Variants in SORCS3 observed in about 807,000 individuals in gnomAD.
The protein encoded by SORCS3 is sortilin related VPS10 domain containing receptor 3.
SORCS3 carries 57 observed loss-of-function variants against 146.3 expected under a neutral mutation model. That is an observed-to-expected ratio of 0.39 (90% confidence interval 0.31 to 0.49). The LOEUF is 0.49. Ranked by LOEUF, SORCS3 falls within the 20% of genes least tolerant of loss-of-function variation. SORCS3 has a pLI of 0.92. For missense variants in SORCS3, 1,341 were observed against 1,575.5 expected, an observed-to-expected ratio of 0.85 and a Z score of 2.52; for synonymous variants, 653 against 618.5, an observed-to-expected ratio of 1.06 and a Z score of -0.83.
At chr10:105,039,656 C>G (rs1330739271) in intron 4 of SORCS3, among the ~76,000 whole-genome samples, 1 of 151,992 alleles carries the variant, frequency 6.6e-6, no homozygotes, top group East Asian at 1.9e-4. Flanking sequence ...GGGGTTTCAC[C>G]ACGTTGGCCA....
At chr10:105,172,088 T>C (rs546660408) in intron 13 of SORCS3, among the ~76,000 whole-genome samples, 1 of 152,308 alleles carries the variant, frequency 6.6e-6, no homozygotes, top group South Asian at 2.1e-4. Context: ...ACTTGTAATC[T>C]CTGTGCATTG....
intron 1 of SORCS3, among the ~76,000 whole-genome samples, chr10:104,780,474 G>C (rs1162514744): frequency 6.6e-6 from 1 of 152,142 alleles, no homozygotes; most frequent in African/African-American, 2.4e-5. Flanking sequence ...GGTGACATAT[G>C]AGCCCACCTG....
intron 6 of SORCS3, among the ~76,000 whole-genome samples, chr10:105,096,284 A>G (rs2055746468): frequency 6.6e-6 from 1 of 152,126 alleles, no homozygotes; most frequent in African/African-American, 2.4e-5. Flanking sequence ...GAACCAACGC[A>G]CTAGATCTGA....
At chr10:105,138,599 C>A (rs771349145) in intron 7 of SORCS3, among the ~76,000 whole-genome samples, 9 of 152,206 alleles carry the variant, frequency 5.9e-5, no homozygotes, top group East Asian at 1.9e-4. Context: ...GATAATTGGG[C>A]AGAGAGCAGC....
chr10:104,661,063 C>T (rs910127114), intron 1 of SORCS3, among the ~76,000 whole-genome samples: 1 of 152,182 alleles, frequency 6.6e-6, no homozygotes, highest in Non-Finnish European at 1.5e-5. Context: ...TTTACTGCTA[C>T]AACTCAGTGC....
intron 1 of SORCS3, among the ~76,000 whole-genome samples, chr10:104,836,753 GTC>G (rs2018073129): frequency 2.0e-5 from 3 of 151,968 alleles, no homozygotes; most frequent in African/African-American, 7.3e-5. Context: ...GCCTTGCCGT[GTC>G]TCTGAGTGGA....
intron 5 of SORCS3, among the ~76,000 whole-genome samples, chr10:105,048,296 A>C (rs1261357769): frequency 1.4e-5 from 2 of 146,650 alleles, no homozygotes; most frequent in African/African-American, 2.5e-5. Context: ...AATGTCCAAC[A>C]GGGATAGACT....
At chr10:104,723,096 G>A (rs1241726477) in intron 1 of SORCS3, among the ~76,000 whole-genome samples, 1 of 152,136 alleles carries the variant, frequency 6.6e-6, no homozygotes, top group Non-Finnish European at 1.5e-5. Flanking sequence ...GATCTTTCCT[G>A]CTTTCTCTTG....
intron 20 of SORCS3, among the ~76,000 whole-genome samples, chr10:105,229,402 T>C (rs1229500922): frequency 6.6e-6 from 1 of 152,146 alleles, no homozygotes; most frequent in East Asian, 1.9e-4. Flanking sequence ...TCCTTCAGAG[T>C]TGTCACTTTT....
intron 2 of SORCS3, among the ~76,000 whole-genome samples, chr10:104,864,594 C>T (rs1416000729): frequency 6.6e-6 from 1 of 152,160 alleles, no homozygotes; most frequent in Non-Finnish European, 1.5e-5. Context: ...TGGGCAATAT[C>T]AGCCAGTGGA....
At chr10:105,090,342 G>A (rs762306350) in intron 6 of SORCS3, among the ~76,000 whole-genome samples, 59 of 152,178 alleles carry the variant, frequency 3.9e-4, no homozygotes, top group Non-Finnish European at 7.9e-4. Context: ...TGATGAGCAA[G>A]TTCTATACTA....
At chr10:104,805,639 AAC>A in intron 1 of SORCS3, among the ~76,000 whole-genome samples, 1 of 152,232 alleles carries the variant, frequency 6.6e-6, no homozygotes, top group Middle Eastern at 3.4e-3. Context: ...TACCAGTTGT[AAC>A]TACTCTTCTT....
chr10:105,060,665 G>A (rs1473148463), intron 5 of SORCS3, among the ~76,000 whole-genome samples: 3 of 152,120 alleles, frequency 2.0e-5, no homozygotes, highest in Admixed American at 6.5e-5. Flanking sequence ...AAGTCTGGGC[G>A]CGGTGGCTCA....
chr10:104,907,505 C>G (rs1304513648), intron 2 of SORCS3, among the ~76,000 whole-genome samples: 1 of 152,196 alleles, frequency 6.6e-6, no homozygotes, highest in Admixed American at 6.5e-5. Flanking sequence ...CTCTGTCCTA[C>G]CTGAGACGTG....
chr10:104,968,845 A>G (rs778454089), intron 3 of SORCS3, among the ~76,000 whole-genome samples: 4 of 152,246 alleles, frequency 2.6e-5, no homozygotes, highest in Non-Finnish European at 5.9e-5. Context: ...CCACAGATAT[A>G]TTTAATTTGG....
chr10:105,181,942 G>C (rs931649591), intron 14 of SORCS3, among the ~76,000 whole-genome samples: 2 of 152,172 alleles, frequency 1.3e-5, no homozygotes, highest in Non-Finnish European at 2.9e-5. Context: ...TGTGGAATCA[G>C]ATAGAAAAAC....
At chr10:104,955,049 A>G (rs922183068) in intron 3 of SORCS3, among the ~76,000 whole-genome samples, 2 of 152,204 alleles carry the variant, frequency 1.3e-5, no homozygotes, top group African/African-American at 4.8e-5. Flanking sequence ...AAAATTAACT[A>G]TTTTTAAAGT....
chr10:105,169,097 T>A (rs2056338680), intron 13 of SORCS3, among the ~76,000 whole-genome samples: 1 of 152,114 alleles, frequency 6.6e-6, no homozygotes, highest in South Asian at 2.1e-4. Context: ...GCCCAACCTA[T>A]GTATGTAGGT....
At chr10:104,646,984 TTGAC>T (rs2015503268) in intron 1 of SORCS3, among the ~76,000 whole-genome samples, 1 of 152,158 alleles carries the variant, frequency 6.6e-6, no homozygotes, top group Middle Eastern at 3.2e-3. Flanking sequence ...TTGATAATGT[TTGAC>T]TGAGTGAATG....
Sources: allele counts gnomAD v4.1 joint callset (sites outside exome capture counted in the v4.1 genomes callset), GRCh38; gene constraint gnomAD v4.1.1; transcripts MANE v1.5; gene names NCBI Gene and HGNC (gene_info 2026-07-23, HGNC 2026-07-21).